CACNA2D3: variants seen among roughly 807,000 people sequenced by gnomAD.
The protein encoded by CACNA2D3 is calcium voltage-gated channel auxiliary subunit alpha2delta 3.
CACNA2D3 carries 60 observed loss-of-function variants against 160.6 expected under a neutral mutation model. The observed-to-expected ratio is 0.37, with a 90% CI of 0.30 to 0.46. The LOEUF is 0.46. CACNA2D3 is among the 20% of genes least tolerant of loss of function. The pLI is 1.00. For synonymous variants in CACNA2D3, 558 were observed against 492.9 expected (o/e 1.13, Z -1.75); for missense variants, 1,205 against 1,365.0 (o/e 0.88, Z 1.85).
At chr3:54,862,154 G>A (rs1410357874) in intron 17 of CACNA2D3, among the ~76,000 whole-genome samples, 1 of 152,118 alleles carries the variant, frequency 6.6e-6, no homozygotes, top group Non-Finnish European at 1.5e-5. Context: ...TATTTATACT[G>A]TAAAGCACAG....
intron 2 of CACNA2D3, chr3:54,177,899 G>GT (rs1166719393): frequency 1.3e-5 from 2 of 152,104 alleles, no homozygotes; most frequent in Admixed American, 6.5e-5. Context: ...AGAAAATGAG[G>GT]TAAGGATAAT....
At chr3:54,233,944 A>AT (rs1377887692) in intron 2 of CACNA2D3, among the ~76,000 whole-genome samples, 1 of 152,224 alleles carries the variant, frequency 6.6e-6, no homozygotes, top group Admixed American at 6.5e-5. Context: ...CAACCTGGGC[A>AT]TTCATCCTGG....
rs757018890 is a variant in CACNA2D3, at chr3:54,149,877, G to GTGTCTCTCTCTCTCTCTCTCTCTCTC, written c.204+26284_204+26285insGTCTCTCTCTCTCTCTCTCTCTCTCT. On this transcript the variant is annotated intron_variant, in intron 2 of 37. Coordinates refer to ENST00000474759, the MANE Select transcript of CACNA2D3 (RefSeq NM_018398.3). ...TAGTAACAGAGAGGGCTGTCCTGAA[G>GTGTCTCTCTCTCTCTCTCTCTCTCTC]TATCTGTCTCTCTCTCTCTCTCTCT... is the stretch of plus-strand genomic sequence containing the variant. Among the ~76,000 whole-genome samples the GTGTCTCTCTCTCTCTCTCTCTCTCTC allele has an allele frequency of 1.9e-5, 2 of 105,884 alleles. 1 individual carries two copies. The highest frequency in any genetic ancestry group is 3.9e-5 in the Non-Finnish European group (2 of 51,686). 69.5% of individuals were successfully genotyped at this position (105,884 alleles called of 152,430 possible). A position where few individuals can be genotyped will look rare whatever the true frequency, so the allele number is the denominator to read the frequency against.
intron 29 of CACNA2D3, among the ~76,000 whole-genome samples, chr3:54,974,693 C>T (rs1265429177): frequency 1.3e-5 from 2 of 152,236 alleles, no homozygotes; most frequent in Non-Finnish European, 2.9e-5. Flanking sequence ...TCCCTCTGTG[C>T]TCTCCACCCT....
chr3:54,385,870 C>G (rs368364656), intron 3 of CACNA2D3: 111 of 488,098 alleles, frequency 2.3e-4, no homozygotes, highest in African/African-American at 2.1e-3. Flanking sequence ...TTGCTTGGAT[C>G]TAAGATTTTG....
intron 2 of CACNA2D3, among the ~76,000 whole-genome samples, chr3:54,138,044 C>T (rs1699850496): frequency 1.3e-5 from 2 of 152,164 alleles, no homozygotes; most frequent in African/African-American, 4.8e-5. Flanking sequence ...AATTTCATTT[C>T]ACCACTGCGA....
intron 12 of CACNA2D3, among the ~76,000 whole-genome samples, chr3:54,762,268 T>A (rs1702094220): frequency 6.6e-6 from 1 of 152,168 alleles, no homozygotes; most frequent in Admixed American, 6.5e-5. Context: ...TTCTGAGCTA[T>A]TTTTAGTTCC....
chr3:54,697,542 T>C (rs1406492583), intron 11 of CACNA2D3, among the ~76,000 whole-genome samples: 1 of 152,170 alleles, frequency 6.6e-6, no homozygotes, highest in Non-Finnish European at 1.5e-5. Flanking sequence ...CTCCCAAGAA[T>C]ACATGTTCAC....
In CACNA2D3 at chr3:54,880,749, C is replaced by T. The variant is rs764653216; in HGVS notation, c.1845-47C>T. On this transcript the variant is annotated intron_variant, in intron 20 of 37. Coordinates refer to ENST00000474759, the MANE Select transcript of CACNA2D3 (RefSeq NM_018398.3). ...AAAAATGTTAGCCCACAAGTCTATT[C>T]GAGTCGATGCCAGGGATTTCAAGAT... 2.9e-5 allele frequency: 42 copies of T among 1,473,442 alleles called. No homozygotes were observed. The Admixed American group carries it at 4.5e-4, about 16-fold the overall frequency. 91.3% of individuals were successfully genotyped at this position (1,473,442 alleles called of 1,614,324 possible). A position where few individuals can be genotyped will look rare whatever the true frequency, so the allele number is the denominator to read the frequency against.
chr3:54,975,678 G>T (rs536563548), intron 29 of CACNA2D3, among the ~76,000 whole-genome samples: 88 of 152,130 alleles, frequency 5.8e-4, no homozygotes, highest in African/African-American at 2.1e-3. Context: ...AAAATGAGTG[G>T]TTCATTAAGT....
At chr3:54,254,737 T>C (rs1454958779) in intron 2 of CACNA2D3, among the ~76,000 whole-genome samples, 2 of 152,198 alleles carry the variant, frequency 1.3e-5, no homozygotes, top group African/African-American at 4.8e-5. Flanking sequence ...AAAGTAAAAA[T>C]CTTCCTTGTC....
At chr3:55,017,902 G>A (rs758091781) in intron 34 of CACNA2D3, among the ~76,000 whole-genome samples, 3 of 152,138 alleles carry the variant, frequency 2.0e-5, no homozygotes, top group African/African-American at 4.8e-5. Context: ...ATGTGTTGTT[G>A]CTAAGTTTGA....
intron 4 of CACNA2D3, among the ~76,000 whole-genome samples, chr3:54,452,571 G>C (rs1251745085): frequency 6.6e-6 from 1 of 152,116 alleles, no homozygotes; most frequent in Non-Finnish European, 1.5e-5. Flanking sequence ...TTTCTGTCTT[G>C]AATCTCAAAA....
At chr3:55,069,583 A>C (rs1704753277) in intron 35 of CACNA2D3, among the ~76,000 whole-genome samples, 1 of 152,204 alleles carries the variant, frequency 6.6e-6, no homozygotes, top group African/African-American at 2.4e-5. Context: ...TGATTATGTA[A>C]CTAGCCAGCT....
intron 2 of CACNA2D3, among the ~76,000 whole-genome samples, chr3:54,297,351 C>G (rs1003047457): frequency 6.6e-6 from 1 of 152,106 alleles, no homozygotes; most frequent in African/African-American, 2.4e-5. Flanking sequence ...GCTGCTGTGG[C>G]TATTATCCTT....
At chr3:54,972,618 G>A (rs906890798) in intron 29 of CACNA2D3, among the ~76,000 whole-genome samples, 1 of 152,148 alleles carries the variant, frequency 6.6e-6, no homozygotes, top group African/African-American at 2.4e-5. Context: ...GACACACTTA[G>A]CCTTAGATCC....
At chr3:54,343,931 T>C (rs926867527) in intron 3 of CACNA2D3, among the ~76,000 whole-genome samples, 4 of 152,350 alleles carry the variant, frequency 2.6e-5, no homozygotes, top group African/African-American at 9.6e-5. Flanking sequence ...ATGTCCATAA[T>C]CGTGATATTT....
At chr3:54,572,618 A>G (rs1254563537) in intron 8 of CACNA2D3, among the ~76,000 whole-genome samples, 2 of 152,222 alleles carry the variant, frequency 1.3e-5, no homozygotes, top group Non-Finnish European at 2.9e-5. Context: ...CCACTCAGCC[A>G]TCTTATCATG....
chr3:54,542,906 A>G (rs1011411243), intron 5 of CACNA2D3, among the ~76,000 whole-genome samples: 6 of 152,190 alleles, frequency 3.9e-5, no homozygotes, highest in East Asian at 1.9e-4. Flanking sequence ...CAGTATTTCT[A>G]TTTGTTTATA....
Sources: allele counts gnomAD v4.1 joint callset (sites outside exome capture counted in the v4.1 genomes callset), GRCh38; gene constraint gnomAD v4.1.1; transcripts MANE v1.5; gene names NCBI Gene and HGNC (gene_info 2026-07-23, HGNC 2026-07-21).